The following TMEM132B variants were observed in gnomAD, a reference collection of about 807,000 sequenced individuals.
The protein encoded by TMEM132B is transmembrane protein 132B.
A neutral mutation model predicts 90.8 loss-of-function variants in TMEM132B; 18 were observed. The ratio of observed to expected loss-of-function variants is 0.20; its 90% confidence interval spans 0.14 to 0.29. TMEM132B has a LOEUF of 0.29. Ranked by LOEUF, TMEM132B falls within the 10% of genes least tolerant of loss-of-function variation. The probability of loss-of-function intolerance (pLI) is 1.00; values close to 1 mark genes in which losing one functional copy is unlikely to be tolerated. For missense variants in TMEM132B, 1,096 were observed against 1,326.8 expected (o/e 0.83, Z 2.70); for synonymous variants, 504 against 523.3 (o/e 0.96, Z 0.50).
At chr12:125,653,115 CCAG>C (rs1358308973) in intron 8 of TMEM132B, among the ~76,000 whole-genome samples, 1 of 152,218 alleles carries the variant, frequency 6.6e-6, no homozygotes, top group African/African-American at 2.4e-5. Flanking sequence ...TTCAAGCCAG[CCAG>C]CCTCACAATG....
intron 2 of TMEM132B, among the ~76,000 whole-genome samples, chr12:125,352,715 A>T (rs1877630614): frequency 6.6e-6 from 1 of 152,240 alleles, no homozygotes; most frequent in Non-Finnish European, 1.5e-5. Flanking sequence ...TGCTTTACAG[A>T]TGCAAAGAAG....
At chr12:125,308,960 A>T (rs960112339) in intron 1 of TMEM132B, among the ~76,000 whole-genome samples, 1 of 152,206 alleles carries the variant, frequency 6.6e-6, no homozygotes, top group Admixed American at 6.5e-5. Flanking sequence ...TTGATATAGT[A>T]TTCTGCAACT....
chr12:125,204,981 C>G (rs1593040635), intron 1 of TMEM132B, among the ~76,000 whole-genome samples: 1 of 103,656 alleles, frequency 9.6e-6, no homozygotes, highest in Non-Finnish European at 1.9e-5. Context: ...GTACCAGGCA[C>G]TGTGCTTAGC....
At chr12:125,645,835 C>T (rs994397108) in intron 6 of TMEM132B, among the ~76,000 whole-genome samples, 3 of 152,114 alleles carry the variant, frequency 2.0e-5, no homozygotes, top group African/African-American at 4.8e-5. Flanking sequence ...TAATACAGAG[C>T]CTGTTGCCCA....
chr12:125,629,006 A>G (rs1159159770), intron 5 of TMEM132B, among the ~76,000 whole-genome samples: 3 of 151,978 alleles, frequency 2.0e-5, no homozygotes, highest in East Asian at 3.8e-4. Flanking sequence ...CCATTGGTCT[A>G]TGTGTCTATT....
intron 4 of TMEM132B, among the ~76,000 whole-genome samples, chr12:125,571,972 C>T (rs1341229413): frequency 1.3e-5 from 2 of 152,196 alleles, no homozygotes; most frequent in African/African-American, 2.4e-5. Flanking sequence ...CAGGATCACA[C>T]ATTGCATTTG....
intron 2 of TMEM132B, among the ~76,000 whole-genome samples, chr12:125,387,940 G>A (rs1334677500): frequency 6.6e-6 from 1 of 152,162 alleles, no homozygotes; most frequent in Non-Finnish European, 1.5e-5. Flanking sequence ...AATGATCAGA[G>A]TCTTTGACTA....
chr12:125,341,522 A>G (rs1877179425), intron 1 of TMEM132B, among the ~76,000 whole-genome samples: 1 of 152,016 alleles, frequency 6.6e-6, no homozygotes, highest in Admixed American at 6.6e-5. Context: ...TTGTTGTTTT[A>G]ATTTATAAAG....
chr12:125,429,721 T>C (rs1880440341), intron 3 of TMEM132B, among the ~76,000 whole-genome samples: 1 of 152,196 alleles, frequency 6.6e-6, no homozygotes, highest in Non-Finnish European at 1.5e-5. Flanking sequence ...ATAGGTTTAT[T>C]GGGAGGTAGG....
intron 1 of TMEM132B, among the ~76,000 whole-genome samples, chr12:125,335,044 C>T (rs920250494): frequency 5.9e-5 from 9 of 152,148 alleles, no homozygotes; most frequent in Admixed American, 1.3e-4. Context: ...ACAGATTAGC[C>T]GTTCAGCGAA....
At chr12:125,491,854 T>C (rs1462128168) in intron 3 of TMEM132B, among the ~76,000 whole-genome samples, 1 of 152,198 alleles carries the variant, frequency 6.6e-6, no homozygotes, top group Non-Finnish European at 1.5e-5. Context: ...GGAATTTCTT[T>C]TGTGCTTTTA....
chr12:125,329,644 G>A (rs1031343044), intron 1 of TMEM132B, among the ~76,000 whole-genome samples: 7 of 152,318 alleles, frequency 4.6e-5, no homozygotes, highest in South Asian at 2.1e-4. Context: ...CCTAACGGAT[G>A]TCTCAGAGCT....
intron 3 of TMEM132B, among the ~76,000 whole-genome samples, chr12:125,425,397 A>G (rs566360800): frequency 6.6e-6 from 1 of 152,332 alleles, no homozygotes; most frequent in South Asian, 2.1e-4. Flanking sequence ...CAGTTCCCCT[A>G]TTATTAACAT....
At chr12:125,390,919 G>C (rs1321031479) in intron 2 of TMEM132B, among the ~76,000 whole-genome samples, 2 of 152,178 alleles carry the variant, frequency 1.3e-5, no homozygotes, top group African/African-American at 4.8e-5. Flanking sequence ...AGGGTTTGGA[G>C]TGATTTGTCA....
Position 125,340,639 on chromosome 12 carries a change from AG to A in TMEM132B, c.68-8812del, listed in dbSNP as rs1164896280. Among the ~76,000 whole-genome samples, 10 of 152,338 alleles carry A rather than the reference AG, an allele frequency of 6.6e-5. 1 individual carries two copies. The East Asian group carries it at 1.9e-3, about 29-fold the overall frequency. Reference sequence around the variant, plus strand: ...TTTCTAGCCTCAGAATGTAATCTCAAGTGCTCTGCCACCTGATTCTTTCTAA... The same window carrying A: ...TTTCTAGCCTCAGAATGTAATCTCAATGCTCTGCCACCTGATTCTTTCTAA... On this transcript the variant is annotated intron_variant, in intron 1 of 8. Transcript: ENST00000682704.
chr12:125,244,551 G>A (rs530549428), intron 1 of TMEM132B, among the ~76,000 whole-genome samples: 10 of 152,242 alleles, frequency 6.6e-5, no homozygotes, highest in Admixed American at 3.9e-4. Flanking sequence ...ACCTCCTCTC[G>A]GCCACTGTCA....
intron 4 of TMEM132B, among the ~76,000 whole-genome samples, chr12:125,536,799 C>G (rs750891228): frequency 2.0e-5 from 3 of 151,974 alleles, no homozygotes; most frequent in Middle Eastern, 3.4e-3. Flanking sequence ...TATGTTTCCT[C>G]ACATGGCAAA....
intron 3 of TMEM132B, among the ~76,000 whole-genome samples, chr12:125,472,411 G>T (rs531102376): frequency 2.0e-5 from 3 of 152,308 alleles, no homozygotes; most frequent in South Asian, 2.1e-4. Context: ...TGGACGTGGG[G>T]TTGGTCTTTG....
chr12:125,200,979 C>G (rs1288358909), intron 1 of TMEM132B, among the ~76,000 whole-genome samples: 1 of 152,326 alleles, frequency 6.6e-6, no homozygotes, highest in East Asian at 1.9e-4. Context: ...GTTCTCTGGT[C>G]TATGCCTCTG....
Sources: gnomAD v4.1 joint callset for allele counts (sites outside exome capture counted in the v4.1 genomes callset) on GRCh38, gnomAD v4.1.1 for gene constraint, MANE v1.5 for transcripts, NCBI Gene and HGNC (gene_info 2026-07-23, HGNC 2026-07-21) for gene names.